DPP6: variants seen among roughly 807,000 people sequenced by gnomAD.
DPP6 encodes the protein dipeptidyl peptidase like 6.
Under a neutral mutation model 122.6 loss-of-function variants are expected in DPP6, and 69 were observed. The ratio of observed to expected loss-of-function variants is 0.56; its 90% confidence interval spans 0.46 to 0.69. DPP6 has a LOEUF of 0.69. Ranked by LOEUF, DPP6 falls within the 30% of genes least tolerant of loss-of-function variation. The probability of loss-of-function intolerance (pLI) is 0.00; values close to 1 mark genes in which losing one functional copy is unlikely to be tolerated. For missense variants in DPP6, 928 were observed against 1,116.9 expected, an observed-to-expected ratio of 0.83 and a Z score of 2.41; for synonymous variants, 418 against 433.1, an observed-to-expected ratio of 0.97 and a Z score of 0.43.
rs796655403 is a variant in DPP6, at chr7:154,873,958, G to A, written c.1883+1265G>A. Among the ~76,000 whole-genome samples the A allele has an allele frequency of 3.4e-3, 488 of 145,170 alleles. 2 individuals are homozygous for A. Among genetic ancestry groups the A allele is most frequent in the Admixed American group, 8.5e-3 (124 of 14,532 alleles). ...CATGTGCACACATGCACACACACAC[G>A]CACCTGCATACATAAGCACACACAT... On this transcript the variant is annotated intron_variant, in intron 19 of 25. Coordinates refer to ENST00000377770, the MANE Select transcript of DPP6 (RefSeq NM_130797.4).
Position 154,333,134 on chromosome 7 carries a change from G to C in DPP6, c.244-113080G>C, listed in dbSNP as rs77904470. On this transcript the variant is annotated intron_variant, in intron 1 of 25. Transcript: ENST00000377770. ...CTGTTTTAATAGTTCTGCTTCAAGC[G>C]TATTTGTTTTTCCTTATTTCCTAGC... Among the ~76,000 whole-genome samples, 1,047 of 152,212 alleles carry C rather than the reference G, an allele frequency of 6.9e-3. 26 individuals are homozygous for C. Among genetic ancestry groups the C allele is most frequent in the East Asian group, 0.057 (297 of 5,176 alleles).
chr7:154,801,224 T>C, intron 12 of DPP6, 131 bp from the exon 13 acceptor site: 2 of 1,316,418 alleles, frequency 1.5e-6, no homozygotes, highest in Non-Finnish European at 2.1e-6. Flanking sequence ...ATCAAGCACT[T>C]ATTATTTCAA....
rs188502485 is a variant in DPP6, at chr7:154,502,608, C to T, written c.457+27571C>T. ...CCTTCTGCTGTGACTGTGAGGCCTC[C>T]CCAGCCACATGGAACTGTAAGTCCA... On this transcript the variant is annotated intron_variant, in intron 3 of 25. Transcript: ENST00000377770. 9.3e-4 allele frequency among the ~76,000 whole-genome samples: 142 copies of T among 152,230 alleles called. 3 individuals are homozygous for T. Among genetic ancestry groups the T allele is most frequent in the Admixed American group, 8.5e-3 (130 of 15,282 alleles).
At chr7:154,754,285 C>A (rs751923254) in intron 8 of DPP6, among the ~76,000 whole-genome samples, 12 of 152,280 alleles carry the variant, frequency 7.9e-5, no homozygotes, top group Non-Finnish European at 1.6e-4. Flanking sequence ...AAAAATATTA[C>A]ATGTAATTTT....
chr7:154,604,003 G>A lies in DPP6; in HGVS notation c.628-33818G>A, dbSNP rs1182379668. On this transcript the variant is annotated intron_variant, in intron 5 of 25. Transcript: ENST00000377770. ...TCATGGAACTGTACACATGATTTGT[G>A]TACTTTTTCTGGACATGTTATTCTT... is the stretch of plus-strand genomic sequence containing the variant. Among the ~76,000 whole-genome samples, 3 of 120,626 alleles carry A rather than the reference G, an allele frequency of 2.5e-5. 1 individual carries two copies. The Admixed American group carries it at 2.8e-4, about 11-fold the overall frequency. The allele number at this position is 120,626 out of a possible 152,430, so 79.1% of individuals were successfully genotyped here.
At chr7:154,370,378 TG>T (rs549226068) in intron 1 of DPP6, among the ~76,000 whole-genome samples, 2 of 80,882 alleles carry the variant, frequency 2.5e-5, no homozygotes, top group African/African-American at 4.7e-5. Flanking sequence ...GTTTATTTTT[TG>T]GGGGGGAGGG....
intron 1 of DPP6, among the ~76,000 whole-genome samples, chr7:153,967,654 C>G (rs191051453): frequency 1.2e-3 from 187 of 152,206 alleles, no homozygotes; most frequent in African/African-American, 4.1e-3. Context: ...CTCTGATTTC[C>G]TTTTGCGAGC....
intron 1 of DPP6, among the ~76,000 whole-genome samples, chr7:154,275,896 C>G (rs1804096185): frequency 6.6e-6 from 1 of 152,260 alleles, no homozygotes; most frequent in South Asian, 2.1e-4. Flanking sequence ...TCCCACTGCA[C>G]CAGCCCCTCC....
chr7:154,595,202 G>A (rs919894353), intron 5 of DPP6, among the ~76,000 whole-genome samples: 7 of 151,984 alleles, frequency 4.6e-5, no homozygotes, highest in African/African-American at 1.7e-4. Context: ...CTTCTCCGTT[G>A]CCATCTTCCT....
chr7:154,351,166 T>C (rs776628253), intron 1 of DPP6, among the ~76,000 whole-genome samples: 1 of 152,214 alleles, frequency 6.6e-6, no homozygotes, highest in Admixed American at 6.5e-5. Context: ...TCACTGTGCT[T>C]CTACTTAAAG....
At chr7:154,627,772 T>A (rs750129015) in intron 5 of DPP6, among the ~76,000 whole-genome samples, 2 of 152,246 alleles carry the variant, frequency 1.3e-5, no homozygotes, top group South Asian at 4.2e-4. Flanking sequence ...AGTCAGAAGT[T>A]TTGGCAAGAT....
intron 1 of DPP6, among the ~76,000 whole-genome samples, chr7:154,107,115 T>C (rs961004887): frequency 5.9e-5 from 9 of 152,144 alleles, no homozygotes; most frequent in Non-Finnish European, 1.2e-4. Flanking sequence ...AATCAGCTTG[T>C]CAAAGAGACA....
At chr7:154,785,384 A>T (rs10272020) in intron 10 of DPP6, among the ~76,000 whole-genome samples, 129,347 of 152,238 alleles carry the variant, frequency 0.85, 55,297 homozygotes, top group African/African-American at 0.94. Flanking sequence ...AATGAATTTT[A>T]GTCTTATTTA....
intron 7 of DPP6, among the ~76,000 whole-genome samples, chr7:154,692,859 G>A (rs545686787): frequency 2.7e-4 from 40 of 147,970 alleles, no homozygotes; most frequent in African/African-American, 9.7e-4. Context: ...ATAGCTCACT[G>A]TAGCCTCAAA....
chr7:153,807,869 C>T, the DPP6 span, among the ~76,000 whole-genome samples: 3 of 151,952 alleles, frequency 2.0e-5, no homozygotes, highest in African/African-American at 7.3e-5. Context: ...TACCTGGAAG[C>T]TGTGGGGGAG....
the DPP6 span, among the ~76,000 whole-genome samples, chr7:153,808,221 G>A: frequency 6.7e-6 from 1 of 148,410 alleles, no homozygotes; most frequent in African/African-American, 2.4e-5. Context: ...GTGCCTGAGT[G>A]TGCGTGCCTG....
intron 7 of DPP6, among the ~76,000 whole-genome samples, chr7:154,702,584 C>T (rs929879875): frequency 2.0e-5 from 3 of 152,208 alleles, no homozygotes; most frequent in African/African-American, 7.2e-5. Flanking sequence ...TTCCCTGAAG[C>T]CAAAGCCTAA....
the DPP6 span, among the ~76,000 whole-genome samples, chr7:153,832,837 T>G: frequency 3.9e-5 from 6 of 152,232 alleles, no homozygotes; most frequent in African/African-American, 1.4e-4. Context: ...ATAGTCTCTT[T>G]GAGTAATTTT....
chr7:153,861,169 T>C, the DPP6 span, among the ~76,000 whole-genome samples: 2 of 152,340 alleles, frequency 1.3e-5, no homozygotes, highest in East Asian at 1.9e-4. Flanking sequence ...GACAGGACTT[T>C]AATATAAATT....
Sources: gnomAD v4.1 joint callset for allele counts (sites outside exome capture counted in the v4.1 genomes callset) on GRCh38, gnomAD v4.1.1 for gene constraint, MANE v1.5 for transcripts, NCBI Gene and HGNC (gene_info 2026-07-23, HGNC 2026-07-21) for gene names.